Variants in SV2C observed in about 807,000 individuals in gnomAD.
SV2C encodes the protein synaptic vesicle glycoprotein 2C.
Under a neutral mutation model 79.7 loss-of-function variants are expected in SV2C, and 49 were observed. That is an observed-to-expected ratio of 0.61 (90% CI 0.49 to 0.78). The LOEUF (loss-of-function observed/expected upper bound fraction) is 0.78, where lower values mean the gene tolerates loss of function less well. Among genes scored for constraint, SV2C ranks in the 30% least tolerant of loss-of-function variants. The pLI is 0.00. For missense variants in SV2C, 833 were observed against 912.9 expected (o/e 0.91, Z 1.13); for synonymous variants, 334 against 333.2 (o/e 1.00, Z -0.03).
chr5:75,911,770 G>T, the SV2C span: 1 of 600,000 alleles, frequency 1.7e-6, no homozygotes, highest in Non-Finnish European at 3.3e-6. Flanking sequence ...CTCCTCGGAG[G>T]GCCAAGACCA....
At chr5:76,322,617 T>C (rs879250048) in intron 12 of SV2C, among the ~76,000 whole-genome samples, 1 of 152,098 alleles carries the variant, frequency 6.6e-6, no homozygotes, top group Non-Finnish European at 1.5e-5. Flanking sequence ...AGAGGCATCA[T>C]GTTACCTGAC....
the SV2C span, among the ~76,000 whole-genome samples, chr5:75,987,353 T>G: frequency 2.0e-5 from 3 of 151,968 alleles, no homozygotes; most frequent in African/African-American, 7.2e-5. Context: ...CTGAAGGTAC[T>G]TTCTTGATTA....
the SV2C span, among the ~76,000 whole-genome samples, chr5:75,990,508 A>G: frequency 6.6e-6 from 1 of 151,988 alleles, no homozygotes. Flanking sequence ...GTTCCAACTA[A>G]GAATCCACAA....
chr5:76,188,204 T>G (rs1219171150), intron 2 of SV2C, among the ~76,000 whole-genome samples: 2 of 152,186 alleles, frequency 1.3e-5, no homozygotes, highest in Admixed American at 1.3e-4. Flanking sequence ...GAGGTTGCAG[T>G]GAGCTGAGAT....
chr5:76,040,796 G>A, the SV2C span, among the ~76,000 whole-genome samples: 1 of 152,172 alleles, frequency 6.6e-6, no homozygotes, highest in African/African-American at 2.4e-5. Flanking sequence ...TGGCTACCTT[G>A]AGTAGTCACA....
chr5:76,039,011 T>C, the SV2C span, among the ~76,000 whole-genome samples: 2 of 152,250 alleles, frequency 1.3e-5, no homozygotes, highest in African/African-American at 4.8e-5. Flanking sequence ...AATTTGGATG[T>C]TTCTAAAAAG....
the SV2C span, among the ~76,000 whole-genome samples, chr5:75,992,558 G>A: frequency 6.6e-6 from 1 of 151,914 alleles, no homozygotes; most frequent in African/African-American, 2.4e-5. Context: ...AAATTGATTT[G>A]TGACCGGTCA....
chr5:76,073,330 C>A, the SV2C span, among the ~76,000 whole-genome samples: 160 of 151,904 alleles, frequency 1.1e-3, 1 homozygote, highest in Admixed American at 4.1e-3. Context: ...ATCCCAGCAT[C>A]ATTTTTTGAA....
At chr5:76,144,353 T>A (rs1157895420) in intron 2 of SV2C, among the ~76,000 whole-genome samples, 1 of 152,138 alleles carries the variant, frequency 6.6e-6, no homozygotes, top group African/African-American at 2.4e-5. Context: ...GGGGCTGCCA[T>A]GTAAAATTGT....
At chr5:76,211,560 G>A (rs1014328808) in intron 4 of SV2C, among the ~76,000 whole-genome samples, 6 of 151,800 alleles carry the variant, frequency 4.0e-5, no homozygotes, top group African/African-American at 1.2e-4. Flanking sequence ...TAGGAATACC[G>A]TATAAATTAA....
At chr5:75,866,881 G>A in the SV2C span, among the ~76,000 whole-genome samples, 1 of 152,144 alleles carries the variant, frequency 6.6e-6, no homozygotes, top group Non-Finnish European at 1.5e-5. Flanking sequence ...TGAGAAAGGG[G>A]CTTTCTACCT....
At chr5:76,195,158 C>A in intron 3 of SV2C, 59 bp downstream of exon 3, 1 of 1,548,316 alleles carries the variant, frequency 6.5e-7, no homozygotes, top group Non-Finnish European at 8.8e-7. Context: ...ATTCTCCACT[C>A]TAGAGAACCT....
intron 12 of SV2C, 89 bp downstream of exon 12, chr5:76,301,634 C>A: frequency 6.8e-7 from 1 of 1,470,060 alleles, no homozygotes; most frequent in Non-Finnish European, 9.2e-7. Flanking sequence ...ACTGGCTGGG[C>A]ACGGTAGCTT....
intron 1 of SV2C, among the ~76,000 whole-genome samples, chr5:76,121,296 A>G (rs961867668): frequency 6.6e-6 from 1 of 152,046 alleles, no homozygotes; most frequent in Non-Finnish European, 1.5e-5. Context: ...AGGTTGCAAA[A>G]ATTTTCTCCC....
chr5:76,306,233 A>T (rs1238788399), intron 12 of SV2C, among the ~76,000 whole-genome samples: 2 of 151,688 alleles, frequency 1.3e-5, no homozygotes, highest in Admixed American at 6.6e-5. Flanking sequence ...ATTTTTTTTT[A>T]TTTTAAGAGA....
the SV2C span, among the ~76,000 whole-genome samples, chr5:75,998,140 A>G: frequency 1.3e-5 from 2 of 152,094 alleles, no homozygotes; most frequent in African/African-American, 4.8e-5. Context: ...GAATTGAACA[A>G]TGAGAACACA....
the SV2C span, among the ~76,000 whole-genome samples, chr5:75,981,099 C>G: frequency 2.6e-5 from 4 of 152,054 alleles, no homozygotes; most frequent in Non-Finnish European, 5.9e-5. Flanking sequence ...AAATCAGGAA[C>G]AAACTCTCAC....
chr5:76,013,470 T>C, the SV2C span, among the ~76,000 whole-genome samples: 11 of 152,278 alleles, frequency 7.2e-5, no homozygotes, highest in East Asian at 2.1e-3. Context: ...TCCTGAGACT[T>C]TGCTGAAGTT....
downstream of SV2C, among the ~76,000 whole-genome samples, chr5:76,337,306 T>A (rs1041801536): frequency 2.0e-5 from 3 of 152,054 alleles, no homozygotes; most frequent in African/African-American, 7.2e-5. Flanking sequence ...TTCCCTTTCT[T>A]ATAAGGAAAC....
Sources: gnomAD v4.1 joint callset for allele counts (sites outside exome capture counted in the v4.1 genomes callset) on GRCh38, gnomAD v4.1.1 for gene constraint, MANE v1.5 for transcripts, NCBI Gene and HGNC (gene_info 2026-07-23, HGNC 2026-07-21) for gene names.